STPG2: variants seen among roughly 807,000 people sequenced by gnomAD.
STPG2 encodes the protein sperm tail PG-rich repeat containing 2.
In STPG2, 56 loss-of-function variants were observed where a neutral mutation model predicts 54.2. The observed-to-expected ratio is 1.03, with a 90% CI of 0.83 to 1.29. The LOEUF is 1.29. Among genes scored for constraint, STPG2 ranks in the 50% most tolerant of loss-of-function variants. STPG2 has a pLI of 0.00. For synonymous variants in STPG2, 200 were observed against 181.8 expected (o/e 1.10, Z -0.81); for missense variants, 596 against 544.9 (o/e 1.09, Z -0.93).
chr4:97,868,689 C>T (rs143537764), intron 8 of STPG2, among the ~76,000 whole-genome samples: 11 of 151,918 alleles, frequency 7.2e-5, no homozygotes, highest in African/African-American at 2.7e-4. Flanking sequence ...CTCCCCATCT[C>T]AGACAGCTCC....
intron 9 of STPG2, among the ~76,000 whole-genome samples, chr4:97,737,760 G>C (rs1725063393): frequency 6.6e-6 from 1 of 152,218 alleles, no homozygotes; most frequent in South Asian, 2.1e-4. Flanking sequence ...GTGACGGGGA[G>C]AATGGAACCA....
chr4:97,871,678 G>A (rs867923965), intron 8 of STPG2, among the ~76,000 whole-genome samples: 1 of 151,094 alleles, frequency 6.6e-6, no homozygotes, highest in Admixed American at 6.6e-5. Flanking sequence ...ATCAGACCCA[G>A]ATTTCACTGG....
intron 10 of STPG2, among the ~76,000 whole-genome samples, chr4:97,605,307 C>A (rs114921343): frequency 1.9e-3 from 290 of 151,860 alleles, no homozygotes; most frequent in African/African-American, 6.7e-3. Context: ...ACATAAAGTA[C>A]TTCAATATAC....
intron 9 of STPG2, among the ~76,000 whole-genome samples, chr4:97,777,568 C>A (rs571854156): frequency 2.0e-5 from 3 of 152,294 alleles, no homozygotes; most frequent in Non-Finnish European, 4.4e-5. Context: ...AGGGAATGGA[C>A]AAAAGGATTG....
intron 9 of STPG2, among the ~76,000 whole-genome samples, chr4:97,824,142 A>G (rs776984148): frequency 2.0e-5 from 3 of 152,080 alleles, no homozygotes; most frequent in Admixed American, 6.6e-5. Flanking sequence ...TTGAGAGTTG[A>G]CGGGGCTGCT....
At chr4:97,501,800 C>A (rs1281842234) in intron 4 of STPG2, among the ~76,000 whole-genome samples, 1 of 151,578 alleles carries the variant, frequency 6.6e-6, no homozygotes, top group African/African-American at 2.4e-5. Context: ...CTCTAGAGAT[C>A]ATTTTGAAAT....
At chr4:97,741,928 G>A (rs1407644064) in intron 9 of STPG2, among the ~76,000 whole-genome samples, 1 of 151,972 alleles carries the variant, frequency 6.6e-6, no homozygotes, top group Non-Finnish European at 1.5e-5. Context: ...TGTTTATTGT[G>A]GCACTATTCA....
At position 98,072,328 on chromosome 4, in the gene STPG2, T is replaced by C. The variant is rs151011247; in HGVS notation, c.612+33625A>G. Among the ~76,000 whole-genome samples the C allele has an allele frequency of 8.2e-3, 1,254 of 152,286 alleles. 15 individuals are homozygous for C. Among genetic ancestry groups the C allele is most frequent in the African/African-American group, 0.029 (1,189 of 41,564 alleles). ...CAAGAACAGAATACCAAACATCGTA[T>C]GTTCTCACTTTCAAGTGGGAGCTAA... On this transcript the variant is annotated intron_variant, in intron 5 of 10. Coordinates refer to ENST00000295268, the MANE Select transcript of STPG2 (RefSeq NM_174952.3).
At chr4:98,017,935 T>A (rs1432892601) in intron 5 of STPG2, among the ~76,000 whole-genome samples, 1 of 152,206 alleles carries the variant, frequency 6.6e-6, no homozygotes, top group African/African-American at 2.4e-5. Context: ...TTCCACCTTC[T>A]GCCATGATTG....
At chr4:97,796,404 C>A (rs1727178733) in intron 9 of STPG2, among the ~76,000 whole-genome samples, 2 of 152,180 alleles carry the variant, frequency 1.3e-5, no homozygotes, top group African/African-American at 4.8e-5. Context: ...GATCCAGTTT[C>A]AGCTTTCTAC....
At chr4:97,850,666 A>C (rs1218487842) in intron 8 of STPG2, among the ~76,000 whole-genome samples, 1 of 152,144 alleles carries the variant, frequency 6.6e-6, no homozygotes, top group Admixed American at 6.6e-5. Flanking sequence ...AAAACCAAAA[A>C]TTGTTTAACA....
At chr4:97,991,130 C>T (rs942983019) in intron 5 of STPG2, among the ~76,000 whole-genome samples, 15 of 151,940 alleles carry the variant, frequency 9.9e-5, no homozygotes, top group African/African-American at 3.6e-4. Flanking sequence ...AGTCCTCATA[C>T]CTTAGCTCCC....
At chr4:97,473,025 T>C (rs1443446924) in intron 4 of STPG2, among the ~76,000 whole-genome samples, 1 of 152,236 alleles carries the variant, frequency 6.6e-6, no homozygotes, top group Non-Finnish European at 1.5e-5. Flanking sequence ...TCAATACCTT[T>C]GTGATTTCCT....
intron 9 of STPG2, among the ~76,000 whole-genome samples, chr4:97,814,421 C>A (rs1256419975): frequency 6.6e-6 from 1 of 152,074 alleles, no homozygotes; most frequent in East Asian, 1.9e-4. Context: ...CTCTGCTTCC[C>A]AGGTTCAAGT....
chr4:97,800,188 A>G (rs1283747194), intron 9 of STPG2, among the ~76,000 whole-genome samples: 7 of 152,174 alleles, frequency 4.6e-5, no homozygotes, highest in Non-Finnish European at 1.0e-4. Context: ...AACTCGTCAA[A>G]GTCATTCTCT....
intron 4 of STPG2, among the ~76,000 whole-genome samples, chr4:97,482,029 C>G (rs562583069): frequency 2.6e-5 from 4 of 151,390 alleles, no homozygotes; most frequent in Admixed American, 2.0e-4. Flanking sequence ...CTCTAGTTGG[C>G]TGCTAATTTT....
chr4:97,847,425 T>G, intron 8 of STPG2, among the ~76,000 whole-genome samples: 1 of 151,870 alleles, frequency 6.6e-6, no homozygotes, highest in East Asian at 1.9e-4. Flanking sequence ...GTAAGTAGTA[T>G]GTAAAAATGG....
At chr4:97,748,268 A>G (rs1018899128) in intron 9 of STPG2, among the ~76,000 whole-genome samples, 1 of 151,538 alleles carries the variant, frequency 6.6e-6, no homozygotes, top group Non-Finnish European at 1.5e-5. Context: ...AAATGTTAAG[A>G]TGTGTCTCAT....
intron 6 of STPG2, among the ~76,000 whole-genome samples, chr4:97,979,013 A>G (rs2149261696): frequency 6.6e-6 from 1 of 152,340 alleles, no homozygotes. Context: ...TACAAAATAG[A>G]CAAAGGTGAC....
Sources: gnomAD v4.1 joint callset for allele counts (sites outside exome capture counted in the v4.1 genomes callset) on GRCh38, gnomAD v4.1.1 for gene constraint, MANE v1.5 for transcripts, NCBI Gene and HGNC (gene_info 2026-07-23, HGNC 2026-07-21) for gene names.